ESCO2: variants seen among roughly 807,000 people sequenced by gnomAD.
ESCO2 encodes the protein establishment of sister chromatid cohesion N-acetyltransferase 2.
In ESCO2, 51 loss-of-function variants were observed where a neutral mutation model predicts 61.7. The observed-to-expected ratio is 0.83, with a 90% CI of 0.66 to 1.04. ESCO2 has a LOEUF of 1.04. ESCO2 is among the 50% of genes least tolerant of loss of function. The pLI is 0.00. For missense variants in ESCO2, 692 were observed against 686.2 expected (o/e 1.01, Z -0.09); for synonymous variants, 230 against 238.2 (o/e 0.97, Z 0.32).
chr8:27,792,323 A>G (rs1805195725), intron 8 of ESCO2, among the ~76,000 whole-genome samples: 1 of 152,106 alleles, frequency 6.6e-6, no homozygotes, highest in East Asian at 1.9e-4. Flanking sequence ...CCCAGGGTCT[A>G]TTTCTTATAT....
the ESCO2 span, among the ~76,000 whole-genome samples, chr8:27,817,907 A>G: frequency 2.0e-5 from 3 of 152,192 alleles, no homozygotes; most frequent in African/African-American, 7.2e-5. Flanking sequence ...TGCATTGTCC[A>G]ATGTGGTAAC....
At position 27,803,546 on chromosome 8, in the gene ESCO2, T is replaced by TCAGA; in HGVS notation, c.*110_*111insGACA. 15 of 1,124,656 alleles carry TCAGA rather than the reference T, an allele frequency of 1.3e-5. No homozygotes were observed. Among genetic ancestry groups the TCAGA allele is most frequent in the Middle Eastern group, 2.9e-4 (1 of 3,498 alleles). The allele number at this position is 1,124,656 out of a possible 1,614,324, so 69.7% of individuals were successfully genotyped here. A position where few individuals can be genotyped will look rare whatever the true frequency, so the allele number is the denominator to read the frequency against. ...AAATAAAAAATACCGAGACTCACACTCATACACACACACACACACACGCAC... is the reference window on the plus strand; with the variant it reads ...AAATAAAAAATACCGAGACTCACACTCAGACATACACACACACACACACACGCAC... On this transcript the variant is annotated 3_prime_UTR_variant, in exon 11 of 11. Transcript: ENST00000305188.
At chr8:27,782,102 A>AT (rs1312592396) in intron 4 of ESCO2, among the ~76,000 whole-genome samples, 1 of 151,920 alleles carries the variant, frequency 6.6e-6, no homozygotes, top group Admixed American at 6.6e-5. Context: ...GTACTCCAGG[A>AT]TTTATTCTAT....
At chr8:27,793,550 G>A (rs950215659) in intron 9 of ESCO2, among the ~76,000 whole-genome samples, 7 of 147,124 alleles carry the variant, frequency 4.8e-5, no homozygotes, top group Non-Finnish European at 8.9e-5. Flanking sequence ...GCAGTGGCAC[G>A]ATCTCGCCTC....
At chr8:27,773,017 C>T (rs930128613), upstream of ESCO2, among the ~76,000 whole-genome samples, 9 of 152,154 alleles carry the variant, frequency 5.9e-5, no homozygotes, top group East Asian at 1.7e-3. Flanking sequence ...ACCTCTGAAC[C>T]TCAGAGGTCC....
At chr8:27,808,220 G>A (rs770576500), downstream of ESCO2, 2 of 1,246,692 alleles carry the variant, frequency 1.6e-6, no homozygotes, top group African/African-American at 1.6e-5. Flanking sequence ...TAGGTACCAG[G>A]AGACATGAAA....
chr8:27,818,520 T>C, the ESCO2 span, among the ~76,000 whole-genome samples: 23,921 of 152,160 alleles, frequency 0.16, 2,382 homozygotes, highest in East Asian at 0.36. Context: ...CTCATTGTTA[T>C]TTAGCTTTTA....
chr8:27,800,792 A>G (rs1805406321), intron 10 of ESCO2, among the ~76,000 whole-genome samples: 1 of 152,256 alleles, frequency 6.6e-6, no homozygotes, highest in African/African-American at 2.4e-5. Context: ...ACACACTGCA[A>G]CATGGAGGAA....
chr8:27,789,073 A>G, intron 7 of ESCO2, 95 bp downstream of exon 7: 1 of 1,474,634 alleles, frequency 6.8e-7, no homozygotes, highest in Non-Finnish European at 9.3e-7. Flanking sequence ...GGAAAAGTTA[A>G]CTTTTAATGA....
intron 2 of ESCO2, among the ~76,000 whole-genome samples, chr8:27,775,999 G>C (rs1329587776): frequency 6.6e-6 from 1 of 152,070 alleles, no homozygotes; most frequent in Admixed American, 6.6e-5. Context: ...AGCCCCAGGG[G>C]GTCAGTTCAT....
At chr8:27,801,010 AGTG>A (rs1485945358) in intron 10 of ESCO2, among the ~76,000 whole-genome samples, 1 of 152,110 alleles carries the variant, frequency 6.6e-6, no homozygotes, top group Non-Finnish European at 1.5e-5. Context: ...AGAATTAGAT[AGTG>A]GTGGTGACTG....
upstream of ESCO2, chr8:27,772,514 G>C (rs1225585929): frequency 1.4e-5 from 22 of 1,549,754 alleles, no homozygotes; most frequent in Non-Finnish European, 1.8e-5. Flanking sequence ...CCCACTCACC[G>C]CTGCTGCTGG....
rs1222665973 is a variant in ESCO2, at chr8:27,802,630, AATAT to A, written c.1674-653_1674-650del. 8.9e-3 allele frequency among the ~76,000 whole-genome samples: 407 copies of A among 45,780 alleles called. 12 individuals are homozygous for A. Among genetic ancestry groups the A allele is most frequent in the African/African-American group, 0.03 (295 of 9,988 alleles). The allele number at this position is 45,780 out of a possible 152,430, so 30.0% of individuals were successfully genotyped here. ...CTCAAAAAAAAAAAAAAAAAAAAAAAATATATATATATATATATATATATATTAT... is the reference window on the plus strand; with the variant it reads ...CTCAAAAAAAAAAAAAAAAAAAAAAAATATATATATATATATATATATTAT... On this transcript the variant is annotated intron_variant, in intron 10 of 10. Transcript: ENST00000305188.
chr8:27,784,163 C>G, intron 5 of ESCO2, 106 bp downstream of exon 5: 1 of 1,022,148 alleles, frequency 9.8e-7, no homozygotes, highest in Non-Finnish European at 1.5e-6. Context: ...TTTTTTTCTT[C>G]CTCACTAAGG....
chr8:27,790,869 T>G (rs1441454655), intron 7 of ESCO2, among the ~76,000 whole-genome samples: 2 of 152,222 alleles, frequency 1.3e-5, no homozygotes, highest in African/African-American at 4.8e-5. Flanking sequence ...ATTGGACACT[T>G]CTGCACCATC....
downstream of ESCO2, among the ~76,000 whole-genome samples, chr8:27,813,114 T>C (rs1478193355): frequency 6.6e-6 from 1 of 152,208 alleles, no homozygotes; most frequent in South Asian, 2.1e-4. Flanking sequence ...GTGGCACATA[T>C]ACACCATGGA....
chr8:27,784,271 A>G (rs1804989126), intron 5 of ESCO2, among the ~76,000 whole-genome samples: 1 of 152,210 alleles, frequency 6.6e-6, no homozygotes, highest in South Asian at 2.1e-4. Context: ...AGATCTTTAT[A>G]TACTTGAGTA....
Position 27,805,266 on chromosome 8 carries a change from C to T in ESCO2, c.*1828C>T, listed in dbSNP as rs1265568642. 1 of 77,600 alleles carries T rather than the reference C, an allele frequency of 1.3e-5. No individual in the cohort carries two copies. The highest frequency in any genetic ancestry group is 2.1e-5 in the Non-Finnish European group (1 of 47,640). 4.8% of individuals were successfully genotyped at this position (77,600 alleles called of 1,614,324 possible). Reference sequence around the variant, plus strand: ...ACTGCAGTCCGCAGTCCGGCCTGGGCGACAGAGCGAGACTCCGTCTCAAAA... The same window carrying T: ...ACTGCAGTCCGCAGTCCGGCCTGGGTGACAGAGCGAGACTCCGTCTCAAAA... On this transcript the variant is annotated 3_prime_UTR_variant, in exon 11 of 11. Coordinates refer to ENST00000305188, the MANE Select transcript of ESCO2 (RefSeq NM_001017420.3).
At chr8:27,811,969 C>T (rs1239544774), downstream of ESCO2, 1 of 152,124 alleles carries the variant, frequency 6.6e-6, no homozygotes, top group Non-Finnish European at 1.5e-5. Flanking sequence ...TCACTAACTT[C>T]ACTATAGCTG....
Sources: gnomAD v4.1 joint callset for allele counts (sites outside exome capture counted in the v4.1 genomes callset) on GRCh38, gnomAD v4.1.1 for gene constraint, MANE v1.5 for transcripts, NCBI Gene and HGNC (gene_info 2026-07-23, HGNC 2026-07-21) for gene names.